MERTK: variants seen among roughly 807,000 people sequenced by gnomAD.
MERTK encodes the protein tyrosine-protein kinase Mer.
In MERTK, 69 loss-of-function variants were observed where a neutral mutation model predicts 99.3. That is an observed-to-expected ratio of 0.70 (90% CI 0.57 to 0.85). The LOEUF (loss-of-function observed/expected upper bound fraction) is 0.85, where lower values mean the gene tolerates loss of function less well. Among genes scored for constraint, MERTK ranks in the 40% least tolerant of loss-of-function variants. The pLI is 0.00. For missense variants in MERTK, 1,125 were observed against 1,249.4 expected, an observed-to-expected ratio of 0.90 and a Z score of 1.50; for synonymous variants, 426 against 467.6, an observed-to-expected ratio of 0.91 and a Z score of 1.15.
intron 6 of MERTK, among the ~76,000 whole-genome samples, chr2:111,968,551 A>G (rs1191208972): frequency 2.0e-5 from 3 of 150,402 alleles, no homozygotes; most frequent in African/African-American, 7.4e-5. Context: ...ACAAAGTTTT[A>G]CTCTTGTTGC....
intron 1 of MERTK, among the ~76,000 whole-genome samples, chr2:111,922,410 T>G (rs550294248): frequency 1.8e-4 from 28 of 152,364 alleles, no homozygotes; most frequent in Non-Finnish European, 3.7e-4. Context: ...CTAAGAGCCC[T>G]TCGCATCCCA....
At chr2:111,999,101 G>A (rs1370076265) in intron 10 of MERTK, among the ~76,000 whole-genome samples, 3 of 152,104 alleles carry the variant, frequency 2.0e-5, no homozygotes, top group Admixed American at 6.6e-5. Flanking sequence ...TTTGGCATAC[G>A]TCTTTCCAAG....
intron 6 of MERTK, among the ~76,000 whole-genome samples, chr2:111,974,769 C>CAAAAAAAAAAAAAAAAAAAAAA (rs35594851): frequency 1.9e-5 from 1 of 53,374 alleles, no homozygotes; most frequent in African/African-American, 7.3e-5. Context: ...AGGTCCATCT[C>CAAAAAAAAAAAAAAAAAAAAAA]AAAAAAAAAA....
intron 15 of MERTK, among the ~76,000 whole-genome samples, chr2:112,011,511 G>T (rs1200461436): frequency 2.0e-5 from 3 of 152,184 alleles, no homozygotes; most frequent in Non-Finnish European, 2.9e-5. Flanking sequence ...CAGCACATTG[G>T]GAGGCTGAGG....
chr2:111,983,527 C>A (rs1676414098), intron 8 of MERTK, among the ~76,000 whole-genome samples: 1 of 152,192 alleles, frequency 6.6e-6, no homozygotes, highest in Non-Finnish European at 1.5e-5. Flanking sequence ...TGCGGGCAAG[C>A]CGAAATTAGA....
intron 15 of MERTK, among the ~76,000 whole-genome samples, chr2:112,016,051 TG>T (rs1408743865): frequency 6.6e-6 from 1 of 152,230 alleles, no homozygotes; most frequent in African/African-American, 2.4e-5. Context: ...CACATTGTCT[TG>T]ATTACTGAAG....
chr2:111,921,235 G>A (rs1684452311), intron 1 of MERTK, among the ~76,000 whole-genome samples: 1 of 152,028 alleles, frequency 6.6e-6, no homozygotes, highest in Admixed American at 6.5e-5. Flanking sequence ...GATTCCAGAT[G>A]CAAAAGCCTT....
At chr2:111,992,222 G>T (rs1676634750) in intron 8 of MERTK, among the ~76,000 whole-genome samples, 1 of 152,080 alleles carries the variant, frequency 6.6e-6, no homozygotes, top group Admixed American at 6.6e-5. Flanking sequence ...CAGTCTAATA[G>T]TACTAGATCA....
At chr2:111,984,241 T>C (rs1286144340) in intron 8 of MERTK, among the ~76,000 whole-genome samples, 1 of 151,982 alleles carries the variant, frequency 6.6e-6, no homozygotes, top group African/African-American at 2.4e-5. Context: ...CCTCCATGGA[T>C]TGAATGAGGC....
In MERTK at chr2:112,010,086, AC is replaced by A. The variant is rs1214499997; in HGVS notation, c.2079+24del. On this transcript the variant is annotated intron_variant, in intron 15 of 18. Transcript: ENST00000295408. ...CCAAAGGTAATGATCTCCTTGTGTT[AC>A]CCCTGAACACTTCTCAGGGCTTATG... The A allele has an allele frequency of 6.6e-7, 1 of 1,511,014 alleles. No homozygotes were observed. Among genetic ancestry groups the A allele is most frequent in the Admixed American group, 1.7e-5 (1 of 59,832 alleles). 93.6% of individuals were successfully genotyped at this position (1,511,014 alleles called of 1,614,324 possible). A position where few individuals can be genotyped will look rare whatever the true frequency, so the allele number is the denominator to read the frequency against.
rs772321470 is a variant in MERTK at position 111,994,243 on chromosome 2, G to C, written c.1297-8G>C. ...GTTTTCATTTCCTCTCTTCCTCTCTGTCTCCAGAAAGAGCTCTTGGAGGAA... is the reference window on the plus strand; with the variant it reads ...GTTTTCATTTCCTCTCTTCCTCTCTCTCTCCAGAAAGAGCTCTTGGAGGAA... On this transcript the variant is annotated splice_polypyrimidine_tract_variant and splice_region_variant and intron_variant, in intron 8 of 18. Coordinates refer to ENST00000295408, the MANE Select transcript of MERTK (RefSeq NM_006343.3). 2.3e-5 allele frequency: 37 copies of C among 1,613,522 alleles called. 1 individual carries two copies. In the South Asian group the frequency reaches 3.7e-4, roughly 16 times the overall value.
In MERTK at chr2:111,945,691, A is replaced by C. The variant is rs79833640; in HGVS notation, c.583+631A>C. ...AACTTGAACTCTAATGGGCAATGTG[A>C]GCTGATGCACAGGTGAACCAGGCCA... On this transcript the variant is annotated intron_variant, in intron 3 of 18. Coordinates refer to ENST00000295408, the MANE Select transcript of MERTK (RefSeq NM_006343.3). Among the ~76,000 whole-genome samples the C allele has an allele frequency of 5.5e-3, 831 of 152,330 alleles. 8 individuals are homozygous for C. The highest frequency in any genetic ancestry group is 0.019 in the African/African-American group (802 of 41,566).
chr2:111,954,414 T>A (rs547107695), intron 4 of MERTK, among the ~76,000 whole-genome samples: 1 of 152,302 alleles, frequency 6.6e-6, no homozygotes, highest in African/African-American at 2.4e-5. Flanking sequence ...GAACAAACCC[T>A]CTATCTATTT....
chr2:111,938,033 C>T (rs980532253), intron 2 of MERTK, among the ~76,000 whole-genome samples: 6 of 152,066 alleles, frequency 3.9e-5, no homozygotes, highest in Non-Finnish European at 8.8e-5. Flanking sequence ...CTCCAGAACT[C>T]CAGTAGAGTA....
chr2:111,902,808 C>CCCTCCCTCCCTCCCTCTCTT (rs1553443592), intron 1 of MERTK, among the ~76,000 whole-genome samples: 1 of 143,940 alleles, frequency 6.9e-6, no homozygotes, highest in South Asian at 2.3e-4. Context: ...CTCCCTCCCT[C>CCCTCCCTCCCTCCCTCTCTT]TATTTCTTTA....
chr2:112,004,662 A>C (rs1274534425), intron 13 of MERTK, among the ~76,000 whole-genome samples: 1 of 152,208 alleles, frequency 6.6e-6, no homozygotes, highest in East Asian at 1.9e-4. Context: ...CTGGAATCCC[A>C]GCACTTTGGG....
At chr2:111,971,841 T>C (rs1437142254) in intron 6 of MERTK, among the ~76,000 whole-genome samples, 7 of 152,250 alleles carry the variant, frequency 4.6e-5, no homozygotes, top group Admixed American at 2.6e-4. Flanking sequence ...TTCAGTCTTC[T>C]GTTGCCTTGC....
chr2:111,961,032 A>G (rs1184116628), intron 4 of MERTK, among the ~76,000 whole-genome samples: 1 of 151,378 alleles, frequency 6.6e-6, no homozygotes, highest in Non-Finnish European at 1.5e-5. Context: ...TGCAATAAAT[A>G]TTTTCTAATT....
chr2:112,020,618 T>C (rs1401829410), intron 16 of MERTK: 1 of 471,090 alleles, frequency 2.1e-6, no homozygotes, highest in Admixed American at 2.3e-5. Flanking sequence ...CACCTGGCCA[T>C]CTTAGCAAGA....
Sources: allele counts gnomAD v4.1 joint callset (sites outside exome capture counted in the v4.1 genomes callset), GRCh38; gene constraint gnomAD v4.1.1; transcripts MANE v1.5; gene names NCBI Gene and HGNC (gene_info 2026-07-23, HGNC 2026-07-21).